The following TEKTL1 variants were observed in gnomAD, a reference collection of about 807,000 sequenced individuals.
TEKTL1 encodes tektin-like protein 1.
chr19:15,021,310 A>C, the TEKTL1 span: 1 of 1,604,024 alleles, frequency 6.2e-7, no homozygotes, highest in Admixed American at 1.7e-5. Flanking sequence ...GGCTCTGGGA[A>C]CGGAGGACTT....
At chr19:15,018,251 G>A in the TEKTL1 span, among the ~76,000 whole-genome samples, 53,948 of 151,880 alleles carry the variant, frequency 0.36, 10,144 homozygotes, top group Middle Eastern at 0.45. Flanking sequence ...CTACTCATGA[G>A]GCTGAAGCAG....
At chr19:15,020,432 C>G in the TEKTL1 span, 1 of 1,600,220 alleles carries the variant, frequency 6.2e-7, no homozygotes, top group Non-Finnish European at 8.5e-7. Context: ...CCAGTTCTCA[C>G]TCTGTCTTCT....
chr19:15,018,434 C>T, the TEKTL1 span, among the ~76,000 whole-genome samples: 1 of 151,708 alleles, frequency 6.6e-6, no homozygotes, highest in Non-Finnish European at 1.5e-5. Context: ...TCTAGCTGGG[C>T]ACAGCAGCTC....
chr19:15,018,648 G>C, the TEKTL1 span, among the ~76,000 whole-genome samples: 1 of 146,716 alleles, frequency 6.8e-6, no homozygotes, highest in Admixed American at 7.0e-5. Flanking sequence ...AGGATGTCCA[G>C]GCTGCTGTGA....
At chr19:15,016,184 CCTT>C in the TEKTL1 span, among the ~76,000 whole-genome samples, 1 of 111,762 alleles carries the variant, frequency 8.9e-6, no homozygotes, top group South Asian at 2.7e-4. Flanking sequence ...GGACAGCTGT[CCTT>C]TTTTTTTTTT....
the TEKTL1 span, chr19:15,020,715 C>A: frequency 2.1e-6 from 3 of 1,459,234 alleles, no homozygotes; most frequent in South Asian, 2.5e-5. Context: ...CCTTGACTGT[C>A]AGTGCAGCCC....
chr19:15,013,626 C>G, the TEKTL1 span: 1 of 1,444,314 alleles, frequency 6.9e-7, no homozygotes, highest in African/African-American at 1.4e-5. Context: ...GAATCTCTTC[C>G]CAGCCCTTTC....
chr19:15,012,929 C>T, the TEKTL1 span, among the ~76,000 whole-genome samples: 1 of 68,406 alleles, frequency 1.5e-5, no homozygotes, highest in African/African-American at 5.1e-5. Context: ...AGGTGAAACT[C>T]CCCCCCAGAA....
the TEKTL1 span, chr19:15,023,049 C>G: frequency 1.9e-6 from 3 of 1,611,992 alleles, no homozygotes; most frequent in African/African-American, 4.0e-5. Context: ...TACGAGCAGG[C>G]GCAGCGCCTG....
chr19:15,023,152 T>A, the TEKTL1 span: 1 of 1,540,850 alleles, frequency 6.5e-7, no homozygotes, highest in Non-Finnish European at 8.7e-7. Context: ...AGCCAGCTGA[T>A]TGGATGCTGG....
At chr19:15,023,133 C>A in the TEKTL1 span, 1 of 1,568,134 alleles carries the variant, frequency 6.4e-7, no homozygotes. Flanking sequence ...CCCCAGCGTC[C>A]CCCGCCCCAG....
chr19:15,015,833 CAT>C, the TEKTL1 span, among the ~76,000 whole-genome samples: 5 of 152,152 alleles, frequency 3.3e-5, no homozygotes, highest in East Asian at 9.6e-4. Flanking sequence ...AAAATAGAAA[CAT>C]GTTATGTCAT....
chr19:15,020,878 G>GC, the TEKTL1 span, among the ~76,000 whole-genome samples: 2 of 76,532 alleles, frequency 2.6e-5, no homozygotes, highest in Non-Finnish European at 5.6e-5. Flanking sequence ...CACAGGCTCT[G>GC]CTTTTTTTTT....
At chr19:15,013,413 C>A in the TEKTL1 span, among the ~76,000 whole-genome samples, 10 of 152,108 alleles carry the variant, frequency 6.6e-5, no homozygotes, top group African/African-American at 2.4e-4. Context: ...CATCTCAGCC[C>A]CCTGGGCTCC....
the TEKTL1 span, among the ~76,000 whole-genome samples, chr19:15,015,178 C>A: frequency 4.3e-4 from 65 of 152,202 alleles, no homozygotes; most frequent in African/African-American, 1.2e-3. Flanking sequence ...CAGAGGAAGA[C>A]CCTGTCTCTG....
chr19:15,022,996 C>T, the TEKTL1 span: 10 of 1,613,150 alleles, frequency 6.2e-6, no homozygotes, highest in Non-Finnish European at 7.6e-6. Flanking sequence ...TGGACGGCAA[C>T]GTGGTGCGCC....
At chr19:15,013,226 A>G in the TEKTL1 span, among the ~76,000 whole-genome samples, 2 of 151,880 alleles carry the variant, frequency 1.3e-5, no homozygotes, top group Non-Finnish European at 2.9e-5. Flanking sequence ...TGGGATTCCT[A>G]CCCTCAGCCC....
At chr19:15,011,456 C>A in the TEKTL1 span, 1 of 1,318,234 alleles carries the variant, frequency 7.6e-7, no homozygotes, top group Non-Finnish European at 9.9e-7. Context: ...CTCCGCTATG[C>A]GGTGTCCAGC....
the TEKTL1 span, chr19:15,021,591 T>A: frequency 8.7e-6 from 14 of 1,613,258 alleles, no homozygotes; most frequent in Non-Finnish European, 1.1e-5. Flanking sequence ...GCCAGCGTGA[T>A]CCCCCTGCGC....
Sources: allele counts gnomAD v4.1 joint callset (sites outside exome capture counted in the v4.1 genomes callset), GRCh38; gene constraint gnomAD v4.1.1; transcripts MANE v1.5; gene names NCBI Gene and HGNC (gene_info 2026-07-23, HGNC 2026-07-21).